GSE1: variants seen among roughly 807,000 people sequenced by gnomAD.
GSE1 encodes the protein Gse1 coiled-coil protein, also known as genetic suppressor element 1.
Under a neutral mutation model 112.6 loss-of-function variants are expected in GSE1, and 32 were observed. That is an observed-to-expected ratio of 0.28 (90% CI 0.21 to 0.38). The LOEUF (loss-of-function observed/expected upper bound fraction) is 0.38, where lower values mean the gene tolerates loss of function less well. Ranked by LOEUF, GSE1 falls within the 10% of genes least tolerant of loss-of-function variation. The pLI is 1.00. For synonymous variants in GSE1, 1,115 were observed against 735.6 expected, an observed-to-expected ratio of 1.52 and a Z score of -8.35; for missense variants, 2,348 against 1,699.2, an observed-to-expected ratio of 1.38 and a Z score of -6.71.
At chr16:85,176,963 C>T (rs558996563) in intron 1 of GSE1, among the ~76,000 whole-genome samples, 43 of 152,364 alleles carry the variant, frequency 2.8e-4, no homozygotes, top group Middle Eastern at 3.4e-3. Flanking sequence ...AAGTGGGGAC[C>T]TTCTGGAAGG....
chr16:85,194,897 A>G (rs553368018), intron 1 of GSE1, among the ~76,000 whole-genome samples: 22 of 152,170 alleles, frequency 1.4e-4, no homozygotes, highest in African/African-American at 5.1e-4. Context: ...GCTAAAAGTG[A>G]GTGGCTAAAA....
intron 1 of GSE1, among the ~76,000 whole-genome samples, chr16:85,256,542 GAAGC>G (rs1907102205): frequency 6.6e-6 from 1 of 152,242 alleles, no homozygotes; most frequent in Non-Finnish European, 1.5e-5. Flanking sequence ...GTTCCTTGGC[GAAGC>G]TCCCACTGGG....
intron 2 of GSE1, among the ~76,000 whole-genome samples, chr16:85,522,740 C>T (rs1452070238): frequency 6.6e-6 from 1 of 151,952 alleles, no homozygotes; most frequent in Non-Finnish European, 1.5e-5. Context: ...TTGGAGTTTA[C>T]TGTGTGTATG....
upstream of GSE1, chr16:85,555,046 A>G (rs2151255294): frequency 4.1e-6 from 4 of 985,228 alleles, no homozygotes; most frequent in South Asian, 9.4e-5. Context: ...AAGTGAAACT[A>G]TTATTATCGC....
chr16:85,650,078 C>T (rs973974529), intron 3 of GSE1, among the ~76,000 whole-genome samples: 2 of 152,188 alleles, frequency 1.3e-5, no homozygotes, highest in Non-Finnish European at 2.9e-5. Context: ...TGCTGGACCT[C>T]CTCTGCCCCT....
At chr16:85,292,297 C>G (rs1046203076) in intron 1 of GSE1, among the ~76,000 whole-genome samples, 3 of 148,446 alleles carry the variant, frequency 2.0e-5, no homozygotes, top group Non-Finnish European at 4.4e-5. Context: ...CGCCACCATG[C>G]CCAGCTAATT....
intron 14 of GSE1, chr16:85,670,548 A>G (rs1196308038): frequency 2.6e-5 from 4 of 152,854 alleles, no homozygotes; most frequent in Admixed American, 2.6e-4. Flanking sequence ...TAAGGTAGGG[A>G]TTTGTCCTGA....
At chr16:85,579,616 C>G (rs2046367778) in intron 1 of GSE1, among the ~76,000 whole-genome samples, 1 of 152,178 alleles carries the variant, frequency 6.6e-6, no homozygotes, top group Admixed American at 6.5e-5. Context: ...AGACCTACGC[C>G]TGGGAGACCC....
In GSE1 at chr16:85,471,115, G is replaced by T. The variant is rs540253160; in HGVS notation, c.2464+113472G>T. The stretch of plus-strand genomic sequence containing the variant: ...GAGCCCAGCCACGTGAGAGGTGCAC[G>T]GCTCGGTCCTCCCCCATTCGCCCTG... On this transcript the variant is annotated intron_variant, in intron 2 of 2. Transcript: ENST00000637419. Among the ~76,000 whole-genome samples the T allele has an allele frequency of 2.9e-3, 439 of 152,184 alleles. 2 individuals are homozygous for T. The highest frequency in any genetic ancestry group is 4.5e-3 in the Non-Finnish European group (309 of 68,010).
At chr16:85,643,772 C>T (rs1469383839) in intron 2 of GSE1, among the ~76,000 whole-genome samples, 1 of 152,170 alleles carries the variant, frequency 6.6e-6, no homozygotes, top group African/African-American at 2.4e-5. Flanking sequence ...CTCCTGCTCC[C>T]AGCTCCCCAC....
chr16:85,246,836 C>T (rs971579042), intron 1 of GSE1, among the ~76,000 whole-genome samples: 6 of 152,102 alleles, frequency 3.9e-5, no homozygotes, highest in African/African-American at 1.4e-4. Flanking sequence ...AGGGGGTGCT[C>T]AGGAAATCAG....
rs970887860 is a variant in GSE1 at position 85,675,299 on chromosome 16, C to T, written c.*2760C>T. 7 of 152,154 alleles carry T rather than the reference C, an allele frequency of 4.6e-5. No homozygotes were observed. Among genetic ancestry groups the T allele is most frequent in the Admixed American group, 4.6e-4 (7 of 15,266 alleles). 9.4% of individuals were successfully genotyped at this position (152,154 alleles called of 1,614,324 possible). ...CCTACATTACCTGGAAGGGAGCTGC[C>T]ATCTGTCCCTCTGCAGAGGGATACC... is the stretch of plus-strand genomic sequence containing the variant. On this transcript the variant is annotated 3_prime_UTR_variant, in exon 16 of 16. Coordinates refer to ENST00000253458, the MANE Select transcript of GSE1 (RefSeq NM_014615.5).
chr16:85,464,545 C>T (rs1472083540), intron 2 of GSE1, among the ~76,000 whole-genome samples: 1 of 152,228 alleles, frequency 6.6e-6, no homozygotes, highest in East Asian at 1.9e-4. Context: ...TGACCTTGGC[C>T]TGGTCATGCG....
intron 1 of GSE1, among the ~76,000 whole-genome samples, chr16:85,218,525 CG>C (rs1403514272): frequency 1.3e-5 from 2 of 152,232 alleles, no homozygotes; most frequent in African/African-American, 4.8e-5. Flanking sequence ...TGGTAAAACG[CG>C]GCCTTTGGAG....
At chr16:85,539,284 C>A (rs2044438373) in intron 2 of GSE1, among the ~76,000 whole-genome samples, 1 of 152,222 alleles carries the variant, frequency 6.6e-6, no homozygotes, top group Non-Finnish European at 1.5e-5. Context: ...TAGCTGCATG[C>A]ACATGTTTCC....
rs141074706 is a variant in GSE1, at chr16:85,269,603, C to T, written c.2284-87860C>T. ...ACAGGAGACTCCTGACTCCCCGGTGCTGCCTCCCGTGCTCTGCATGCCCGG... is the reference window on the plus strand; with the variant it reads ...ACAGGAGACTCCTGACTCCCCGGTGTTGCCTCCCGTGCTCTGCATGCCCGG... On this transcript the variant is annotated intron_variant, in intron 1 of 2. Coordinates refer to the GSE1 transcript ENST00000637419. Among the ~76,000 whole-genome samples, 36 of 149,458 alleles carry T rather than the reference C, an allele frequency of 2.4e-4. 1 individual carries two copies. The East Asian group carries it at 3.9e-3, about 16-fold the overall frequency.
At chr16:85,244,158 G>A (rs1808864632) in intron 1 of GSE1, among the ~76,000 whole-genome samples, 1 of 152,300 alleles carries the variant, frequency 6.6e-6, no homozygotes, top group East Asian at 1.9e-4. Context: ...AAGGTTGCAG[G>A]TGGAATTAAG....
chr16:85,213,583 C>T (rs181958264), intron 1 of GSE1, among the ~76,000 whole-genome samples: 7 of 152,348 alleles, frequency 4.6e-5, no homozygotes, highest in African/African-American at 1.2e-4. Flanking sequence ...CGAAGTGTCA[C>T]GTGTCCGGGC....
intron 12 of GSE1, among the ~76,000 whole-genome samples, chr16:85,665,554 C>G (rs117823736): frequency 6.6e-6 from 1 of 151,670 alleles, no homozygotes; most frequent in African/African-American, 2.4e-5. Context: ...ACTCTGCCCT[C>G]TGGGCCCTGC....
Sources: allele counts gnomAD v4.1 joint callset (sites outside exome capture counted in the v4.1 genomes callset), GRCh38; gene constraint gnomAD v4.1.1; transcripts MANE v1.5; gene names NCBI Gene and HGNC (gene_info 2026-07-23, HGNC 2026-07-21).